ITGAD: variants seen among roughly 807,000 people sequenced by gnomAD.
ITGAD encodes integrin alpha-D.
In ITGAD, 105 loss-of-function variants were observed where a neutral mutation model predicts 139.0. The observed-to-expected ratio is 0.76, with a 90% CI of 0.65 to 0.89. The LOEUF (loss-of-function observed/expected upper bound fraction) is 0.89. ITGAD is among the 40% of genes least tolerant of loss of function. The probability of loss-of-function intolerance (pLI) is 0.00; values close to 1 mark genes in which losing one functional copy is unlikely to be tolerated. For missense variants in ITGAD, 1,384 were observed against 1,487.3 expected (o/e 0.93, Z 1.14); for synonymous variants, 569 against 598.3 (o/e 0.95, Z 0.71).
In ITGAD at chr16:31,410,390, C is replaced by T. The variant is rs868536075; in HGVS notation, c.1084-5C>T. 1.1e-5 allele frequency: 18 copies of T among 1,613,882 alleles called. No individual in the cohort carries two copies. The highest frequency in any genetic ancestry group is 1.4e-5 in the Non-Finnish European group (17 of 1,179,894). ...CTGCCCAGCCCTGGAATTCTTTCCT[C>T]CCAGGATGGCCTCTTCCTGGGGGCT... On this transcript the variant is annotated splice_region_variant and splice_polypyrimidine_tract_variant and intron_variant, in intron 10 of 29. Transcript: ENST00000389202.
chr16:31,425,659 T>C (rs2082098847), intron 29 of ITGAD, among the ~76,000 whole-genome samples: 1 of 152,058 alleles, frequency 6.6e-6, no homozygotes, highest in African/African-American at 2.4e-5. Context: ...CTTTTCTTTC[T>C]TTTCTTTCTC....
In ITGAD at chr16:31,393,564, G is replaced by A. The variant is rs542767659; in HGVS notation, c.31+173G>A. Among the ~76,000 whole-genome samples the A allele has an allele frequency of 6.6e-5, 10 of 152,250 alleles. No individual in the cohort carries two copies. The South Asian group carries it at 2.1e-3, about 32-fold the overall frequency. On this transcript the variant is annotated intron_variant, in intron 1 of 29. Coordinates refer to ENST00000389202, the MANE Select transcript of ITGAD (RefSeq NM_005353.3). ...GTCAGTAGAGTGTGACCTGAATGAA[G>A]AGGGGCTCAGGGGCTGTGCTCAGGT...
chr16:31,399,126 G>A (rs1392923017), intron 5 of ITGAD, among the ~76,000 whole-genome samples: 3 of 152,146 alleles, frequency 2.0e-5, no homozygotes, highest in Non-Finnish European at 4.4e-5. Context: ...CTGAGGGTTG[G>A]TCTGCATCAT....
chr16:31,416,754 C>G (rs1284089822), intron 20 of ITGAD, 108 bp downstream of exon 20: 2 of 1,038,544 alleles, frequency 1.9e-6, no homozygotes, highest in African/African-American at 1.6e-5. Context: ...TGTGCTCTCT[C>G]TCTCTCTCTC....
rs1377751849 is a variant in ITGAD at position 31,407,797 on chromosome 16, G to A, written c.890G>A (p.Arg297Lys). 6.2e-7 allele frequency: 1 copy of A among 1,613,964 alleles called. No homozygotes were observed. Among genetic ancestry groups the A allele is most frequent in the South Asian group, 1.1e-5 (1 of 91,078 alleles). The change falls in exon 9 of 30, where the codon AGG becomes AAG. Residue 297 changes from arginine (R) to lysine (K), a missense_variant. Physicochemically the swap from Arg to Lys is conservative, Grantham distance 26. Transcript: ENST00000389202. Reference sequence around the variant, plus strand: ...CACGCTTTCCAGGGACCCACTGCCAGGCAGGAGCTGAATACCATCAGCTCA... The same window carrying A: ...CACGCTTTCCAGGGACCCACTGCCAAGCAGGAGCTGAATACCATCAGCTCA... ...VGHAFQGPTA[R>K]QELNTISSAP...
At chr16:31,409,404 G>A (rs2081624333) in intron 10 of ITGAD, among the ~76,000 whole-genome samples, 1 of 152,024 alleles carries the variant, frequency 6.6e-6, no homozygotes, top group Non-Finnish European at 1.5e-5. Flanking sequence ...CTAGGGGGTG[G>A]TGAAATGAAA....
At chr16:31,394,106 C>T in intron 1 of ITGAD, 130 bp from the exon 2 acceptor site, 1 of 530,822 alleles carries the variant, frequency 1.9e-6, no homozygotes, top group Non-Finnish European at 3.2e-6. Context: ...ACTCCAGCCT[C>T]AGCAACAGAG....
Position 31,408,466 on chromosome 16 carries a change from TC to T in ITGAD, c.1054del (p.Gln352LysfsTer34). 6.2e-7 allele frequency: 1 copy of T among 1,613,990 alleles called. No homozygotes were observed. The highest frequency in any genetic ancestry group is 1.1e-5 in the South Asian group (1 of 91,072). On this transcript the variant is annotated frameshift_variant, in exon 10 of 30. Transcript: ENST00000389202. LOFTEE classifies it high-confidence loss of function. ...RASSSFQHEM[S>X]QEGFSTALTM... ...AAGCAGCTCCTTCCAGCACGAGATG[TC>T]CCAAGAAGGCTTCAGCACAGCCCTC...
intron 10 of ITGAD, 48 bp downstream of exon 10, chr16:31,408,546 C>T (rs781749692): frequency 2.0e-6 from 3 of 1,537,492 alleles, no homozygotes; most frequent in South Asian, 1.1e-5. Flanking sequence ...ACCAACTCTG[C>T]ACCCACCCTG....
chr16:31,407,560 G>T lies in ITGAD; in HGVS notation c.750G>T (p.Lys250Asn). 1 of 1,609,332 alleles carries T rather than the reference G, an allele frequency of 6.2e-7. No individual in the cohort carries two copies. Among genetic ancestry groups the T allele is most frequent in the South Asian group, 1.1e-5 (1 of 90,730 alleles). ...HHKNGARKSA[K>N]KILIVITDGQ... Reference sequence around the variant, plus strand: ...AGAATGGGGCCCGAAAAAGTGCCAAGAAGATCCTCATTGTCATCACAGATG... The same window carrying T: ...AGAATGGGGCCCGAAAAAGTGCCAATAAGATCCTCATTGTCATCACAGATG... Residue 250 changes from lysine (K) to asparagine (N), a missense_variant, in exon 8 of 30, where the codon AAG becomes AAT. Transcript: ENST00000389202.
In ITGAD at chr16:31,414,961, C is replaced by T. The variant is rs144306080; in HGVS notation, c.2253C>T (p.Ala751=). ...CCCAGAACCTGCGTCCTGTGCTGGCCGTGGGCTCACAAGACCTCTTCACTG... is the reference window on the plus strand; with the variant it reads ...CCCAGAACCTGCGTCCTGTGCTGGCTGTGGGCTCACAAGACCTCTTCACTG... ...PSPQNLRPVL[A]VGSQDLFTAS... is the part of the protein sequence containing the mutation. Residue 751 remains alanine (A), a synonymous_variant, in exon 18 of 30, where the codon GCC becomes GCT. Transcript: ENST00000389202. 1.5e-4 allele frequency: 249 copies of T among 1,614,078 alleles called. No homozygotes were observed. The highest frequency in any genetic ancestry group is 1.3e-3 in the African/African-American group (101 of 75,014).
chr16:31,407,744 C>T (rs780051770), intron 8 of ITGAD, 22 bp from the exon 9 acceptor site: 1 of 1,613,776 alleles, frequency 6.2e-7, no homozygotes, highest in South Asian at 1.1e-5. Context: ...GCTCATCCTC[C>T]TCGGCTGTCT....
intron 14 of ITGAD, among the ~76,000 whole-genome samples, chr16:31,412,033 G>A (rs556373829): frequency 4.0e-5 from 6 of 150,606 alleles, no homozygotes; most frequent in African/African-American, 9.8e-5. Context: ...CCCCTTCTCT[G>A]TTTGGGGGTC....
At chr16:31,399,234 C>A (rs1394755377) in intron 5 of ITGAD, among the ~76,000 whole-genome samples, 1 of 152,180 alleles carries the variant, frequency 6.6e-6, no homozygotes, top group East Asian at 1.9e-4. Flanking sequence ...TAAAATAGAG[C>A]TCAATAATCA....
rs939902542 is a variant in ITGAD, at chr16:31,403,337, AG to A, written c.559-162del. 1 of 773,032 alleles carries A rather than the reference AG, an allele frequency of 1.3e-6. No individual in the cohort carries two copies. The allele number at this position is 773,032 out of a possible 1,614,324, so 47.9% of individuals were successfully genotyped here. On this transcript the variant is annotated intron_variant, in intron 6 of 29. Transcript: ENST00000389202. This position sits in a 1 kb window ranked among gnomAD's most constrained non-coding sequence, Gnocchi z 4.4. ...AAAAACAAAACAAAACAAAAAACAA[AG>A]CCAGGCATGTGACGTGTGCCTGTAG... is the stretch of plus-strand genomic sequence containing the variant.
At chr16:31,425,982 T>TA (rs1207289978) in intron 29 of ITGAD, 33 bp from the exon 30 acceptor site, 10 of 1,495,932 alleles carry the variant, frequency 6.7e-6, no homozygotes, top group Non-Finnish European at 8.4e-6. Flanking sequence ...GGCCCGGACT[T>TA]ACCCAGCTTT....
Position 31,418,566 on chromosome 16 carries a change from T to A in ITGAD, c.2780+2T>A. On this transcript the variant is annotated splice_donor_variant, in intron 23 of 29. Coordinates refer to ENST00000389202, the MANE Select transcript of ITGAD (RefSeq NM_005353.3). LOFTEE classifies it high-confidence loss of function. ...TGCAGTCTACACCATGATCAGCAGG[T>A]GCCCAGTCCCTGGCCTTCCCCTTGG... The A allele has an allele frequency of 6.2e-7, 1 of 1,613,306 alleles. No individual in the cohort carries two copies. The highest frequency in any genetic ancestry group is 1.1e-5 in the South Asian group (1 of 91,076).
chr16:31,424,597 CTTT>C lies in ITGAD; in HGVS notation c.3372+34_3372+36del, dbSNP rs372527847. 5,101 of 1,185,492 alleles carry C rather than the reference CTTT, an allele frequency of 4.3e-3. 9 individuals are homozygous for C. Among genetic ancestry groups the C allele is most frequent in the African/African-American group, 0.019 (1,158 of 61,304 alleles). 73.4% of individuals were successfully genotyped at this position (1,185,492 alleles called of 1,614,324 possible). A position where few individuals can be genotyped will look rare whatever the true frequency, so the allele number is the denominator to read the frequency against. On this transcript the variant is annotated intron_variant, in intron 29 of 29. Transcript: ENST00000389202. ...TACAAGGCAAGTGTTTTATCCAACT[CTTT>C]TTTTTTTTTTTTTGAGATGGAGTTT...
At chr16:31,408,401 C>T (rs2081593790) in intron 9 of ITGAD, 24 bp from the exon 10 acceptor site, 1 of 1,609,140 alleles carries the variant, frequency 6.2e-7, no homozygotes, top group South Asian at 1.1e-5. Flanking sequence ...CTTCTAGGAA[C>T]TTCACTGACC....
Sources: allele counts gnomAD v4.1 joint callset (sites outside exome capture counted in the v4.1 genomes callset), GRCh38; gene constraint gnomAD v4.1.1; non-coding constraint Gnocchi (gnomAD v3.1); transcripts MANE v1.5; gene names NCBI Gene and HGNC (gene_info 2026-07-23, HGNC 2026-07-21).